TENM2: variants seen among roughly 807,000 people sequenced by gnomAD.
The protein encoded by TENM2 is teneurin transmembrane protein 2, also known as teneurin-2.
TENM2 carries 52 observed loss-of-function variants against 245.2 expected under a neutral mutation model. The observed-to-expected ratio is 0.21, with a 90% CI of 0.17 to 0.27. The LOEUF (loss-of-function observed/expected upper bound fraction) is 0.27. Ranked by LOEUF, TENM2 falls within the 10% of genes least tolerant of loss-of-function variation. The probability of loss-of-function intolerance (pLI) is 1.00; values close to 1 mark genes in which losing one functional copy is unlikely to be tolerated. For synonymous variants in TENM2, 1,363 were observed against 1,438.9 expected, an observed-to-expected ratio of 0.95 and a Z score of 1.19; for missense variants, 3,046 against 3,666.8, an observed-to-expected ratio of 0.83 and a Z score of 4.37.
intron 2 of TENM2, among the ~76,000 whole-genome samples, chr5:167,481,352 A>C (rs1169985976): frequency 6.6e-6 from 1 of 152,190 alleles, no homozygotes; most frequent in African/African-American, 2.4e-5. Flanking sequence ...TGTTGTTTTT[A>C]TATTTTTAAA....
At chr5:167,229,775 T>C in the TENM2 span, among the ~76,000 whole-genome samples, 4 of 152,184 alleles carry the variant, frequency 2.6e-5, no homozygotes, top group Non-Finnish European at 4.4e-5. Context: ...GGCTGTGGTA[T>C]GCCAAGATGG....
At chr5:168,118,830 T>C (rs1795274210) in intron 10 of TENM2, among the ~76,000 whole-genome samples, 1 of 152,106 alleles carries the variant, frequency 6.6e-6, no homozygotes. Flanking sequence ...CTCTTTCTTT[T>C]CCTCTTTTGT....
intron 8 of TENM2, among the ~76,000 whole-genome samples, chr5:168,095,300 A>C (rs969866104): frequency 6.6e-6 from 1 of 152,022 alleles, no homozygotes; most frequent in African/African-American, 2.4e-5. Flanking sequence ...CTCCAAACTC[A>C]ACTAATGTCA....
In TENM2 at chr5:168,058,272, T is replaced by C. The variant is rs147274059; in HGVS notation, c.1310-3788T>C. 1.4e-3 allele frequency among the ~76,000 whole-genome samples: 217 copies of C among 152,334 alleles called. 2 individuals carry two copies. Among genetic ancestry groups the C allele is most frequent in the African/African-American group, 5.0e-3 (208 of 41,586 alleles). On this transcript the variant is annotated intron_variant, in intron 6 of 28. Transcript: ENST00000518659. The stretch of plus-strand genomic sequence containing the variant: ...GGTTTTGTTACAATACCCCACCAGA[T>C]GGATTTGTAGAGTTTGATCCAGTTC...
chr5:167,090,693 G>T, the TENM2 span, among the ~76,000 whole-genome samples: 1 of 151,972 alleles, frequency 6.6e-6, no homozygotes, highest in Admixed American at 6.6e-5. Flanking sequence ...ATTACATTTC[G>T]TGAAAGGAGA....
intron 3 of TENM2, among the ~76,000 whole-genome samples, chr5:167,930,556 C>T (rs1163799988): frequency 6.6e-6 from 1 of 151,924 alleles, no homozygotes; most frequent in Non-Finnish European, 1.5e-5. Context: ...CTCACTGTAG[C>T]CTTGACCTCC....
the TENM2 span, among the ~76,000 whole-genome samples, chr5:167,204,440 G>C: frequency 4.6e-5 from 7 of 152,180 alleles, no homozygotes; most frequent in Non-Finnish European, 1.0e-4. Flanking sequence ...AGGCTCTCCA[G>C]ATAAAAATGC....
intron 2 of TENM2, among the ~76,000 whole-genome samples, chr5:167,739,012 T>C (rs908130500): frequency 3.3e-5 from 5 of 152,210 alleles, no homozygotes; most frequent in African/African-American, 9.6e-5. Flanking sequence ...GAATGAAGTA[T>C]ATTGCAGAAA....
intron 2 of TENM2, among the ~76,000 whole-genome samples, chr5:167,623,903 TA>T (rs918677511): frequency 7.2e-5 from 11 of 152,092 alleles, no homozygotes; most frequent in African/African-American, 2.7e-4. Flanking sequence ...TGGCTATTAT[TA>T]AAAAGTCAAA....
At chr5:167,255,937 A>G in the TENM2 span, among the ~76,000 whole-genome samples, 1 of 152,136 alleles carries the variant, frequency 6.6e-6, no homozygotes, top group Non-Finnish European at 1.5e-5. Context: ...ATTGTTAGGA[A>G]GTCAGGATTA....
intron 2 of TENM2, among the ~76,000 whole-genome samples, chr5:167,552,720 C>A (rs953230715): frequency 2.0e-5 from 3 of 152,044 alleles, no homozygotes; most frequent in Non-Finnish European, 4.4e-5. Context: ...AGGTGTGTTG[C>A]GTATATGACT....
At chr5:168,096,900 G>C (rs1456781961) in intron 8 of TENM2, among the ~76,000 whole-genome samples, 1 of 152,144 alleles carries the variant, frequency 6.6e-6, no homozygotes, top group African/African-American at 2.4e-5. Context: ...GACTATTTCT[G>C]TGCAGACCCA....
intron 2 of TENM2, among the ~76,000 whole-genome samples, chr5:167,563,082 C>T (rs1460015938): frequency 2.0e-5 from 3 of 152,044 alleles, no homozygotes; most frequent in African/African-American, 7.2e-5. Context: ...GCAATGTTGG[C>T]TCAGTGTGCA....
At chr5:166,989,836 G>A in the TENM2 span, among the ~76,000 whole-genome samples, 1 of 149,220 alleles carries the variant, frequency 6.7e-6, no homozygotes, top group African/African-American at 2.5e-5. Context: ...TGAATTGGAA[G>A]GCATTCTAGA....
At chr5:167,789,598 G>C (rs908103113) in intron 2 of TENM2, among the ~76,000 whole-genome samples, 1 of 152,192 alleles carries the variant, frequency 6.6e-6, no homozygotes, top group Non-Finnish European at 1.5e-5. Flanking sequence ...TCCACATAAA[G>C]TCATTTGGGT....
chr5:167,358,181 A>T (rs761566703), intron 1 of TENM2, among the ~76,000 whole-genome samples: 1 of 152,226 alleles, frequency 6.6e-6, no homozygotes, highest in Non-Finnish European at 1.5e-5. Flanking sequence ...AGCCAATCTC[A>T]GAAGAGCTGT....
At chr5:167,168,298 C>A in the TENM2 span, 1 of 152,236 alleles carries the variant, frequency 6.6e-6, no homozygotes, top group Non-Finnish European at 1.5e-5. Context: ...AGTCCAAACT[C>A]TGCCTGAGAT....
chr5:167,515,398 A>G (rs950886734), intron 2 of TENM2, among the ~76,000 whole-genome samples: 2 of 151,834 alleles, frequency 1.3e-5, no homozygotes, highest in Non-Finnish European at 2.9e-5. Context: ...GTTAAATACA[A>G]TGTTGTTTCA....
At chr5:168,163,517 C>G (rs530916936) in intron 13 of TENM2, among the ~76,000 whole-genome samples, 1 of 152,288 alleles carries the variant, frequency 6.6e-6, no homozygotes, top group South Asian at 2.1e-4. Flanking sequence ...TGGCTCACAC[C>G]TGTAATCCCA....
Sources: gnomAD v4.1 joint callset for allele counts (sites outside exome capture counted in the v4.1 genomes callset) on GRCh38, gnomAD v4.1.1 for gene constraint, MANE v1.5 for transcripts, NCBI Gene and HGNC (gene_info 2026-07-23, HGNC 2026-07-21) for gene names.